Variants in SCO2 observed in about 807,000 individuals in gnomAD.
SCO2 encodes the protein synthesis of cytochrome C oxidase 2.
For synonymous variants in SCO2, 195 were observed against 148.6 expected (o/e 1.31, Z -2.27); for missense variants, 429 against 348.7 (o/e 1.23, Z -1.83).
chr22:50,523,652 C>G lies in SCO2; in HGVS notation c.760G>C (p.Val254Leu). The change falls in exon 2 of 2, where the codon GTG (valine) becomes CTG (leucine). Residue 254 changes from valine (V) to leucine (L), a missense_variant. Physicochemically the swap from Val to Leu is conservative, Grantham distance 32 (BLOSUM62 1). Transcript: ENST00000395693. ...SRSAEQISDS[V>L]RRHMAAFRSV... ...CGGAAAGCCGCCATGTGCCGCCGCACACTGTCTGAGATCTGCTCAGCCGAT... is the reference window on the plus strand; with the variant it reads ...CGGAAAGCCGCCATGTGCCGCCGCAGACTGTCTGAGATCTGCTCAGCCGAT... 6.2e-7 allele frequency: 1 copy of G among 1,614,004 alleles called. No homozygotes were observed.
In SCO2 at chr22:50,525,572, C is replaced by G. The variant is rs554814235; in HGVS notation, c.-114G>C. 1.8e-3 allele frequency: 1,426 copies of G among 783,294 alleles called. No homozygotes were observed. The highest frequency in any genetic ancestry group is 2.6e-3 in the Non-Finnish European group (1,283 of 498,524). The allele number at this position is 783,294 out of a possible 1,614,324, so 48.5% of individuals were successfully genotyped here. ...GCCGGCTCAGGGAAAGCGGGCGCCA[C>G]ACGCTCACAGGCAGGGCGCAGGCGT... On this transcript the variant is annotated 5_prime_UTR_variant, in exon 1 of 2. Coordinates refer to ENST00000395693, the MANE Select transcript of SCO2 (RefSeq NM_005138.3).
chr22:50,526,331 T>C (rs372847627), upstream of SCO2: 410 of 1,562,066 alleles, frequency 2.6e-4, no homozygotes, highest in African/African-American at 5.3e-3. Flanking sequence ...AGCACAGGGC[T>C]CGGGCCAGAC....
At chr22:50,524,515 G>T in intron 1 of SCO2, 91 bp from the exon 2 acceptor site, 1 of 1,177,888 alleles carries the variant, frequency 8.5e-7, no homozygotes, top group Non-Finnish European at 1.2e-6. Context: ...CCACCCATCT[G>T]AAGGACCCAG....
chr22:50,525,127 C>G (rs2069285197), intron 1 of SCO2, among the ~76,000 whole-genome samples: 1 of 152,206 alleles, frequency 6.6e-6, no homozygotes, highest in Admixed American at 6.5e-5. Flanking sequence ...TCAGGACTCC[C>G]GGTCACTGCC....
chr22:50,523,654 C>T lies in SCO2; in HGVS notation c.758G>A (p.Ser253Asn), dbSNP rs928259383. The T allele has an allele frequency of 6.2e-7, 1 of 1,613,922 alleles. No individual in the cohort carries two copies. Residue 253 changes from serine to asparagine, a missense_variant, in exon 2 of 2, where the codon AGT (serine) becomes AAT (asparagine). Transcript: ENST00000395693. ...RSRSAEQISDSVRRHMAAFRS... is the reference protein window; with the variant it reads ...RSRSAEQISDNVRRHMAAFRS... Reference sequence around the variant, plus strand: ...GAAAGCCGCCATGTGCCGCCGCACACTGTCTGAGATCTGCTCAGCCGATCT... The same window carrying T: ...GAAAGCCGCCATGTGCCGCCGCACATTGTCTGAGATCTGCTCAGCCGATCT...
chr22:50,526,152 A>G, upstream of SCO2: 1 of 1,471,328 alleles, frequency 6.8e-7, no homozygotes, highest in African/African-American at 1.5e-5. Context: ...CTGCGGGGAG[A>G]GGGGCTGAGA....
Position 50,523,751 on chromosome 22 carries a change from T to C in SCO2, c.661A>G (p.Ile221Val), listed in dbSNP as rs1290926261. The stretch of plus-strand genomic sequence containing the variant: ...TAGATGGCAATGGAGTGGTCCACGA[T>C]GTAGTCCTGGTCCTCATCCTTGGGG... ...AGPKDEDQDY[I>V]VDHSIAIYLL... Residue 221 changes from isoleucine (I) to valine (V), a missense_variant, in exon 2 of 2, where the codon ATC becomes GTC. Transcript: ENST00000395693. 8.1e-6 allele frequency: 13 copies of C among 1,614,032 alleles called. No individual in the cohort carries two copies. The highest frequency in any genetic ancestry group is 6.7e-5 in the East Asian group (3 of 44,900).
At chr22:50,526,343 G>A (rs1275853440), upstream of SCO2, 2 of 1,558,380 alleles carry the variant, frequency 1.3e-6, no homozygotes, top group African/African-American at 1.4e-5. Flanking sequence ...GGGCCAGACC[G>A]GGATCCACGC....
chr22:50,525,968 G>A (rs2148676610), upstream of SCO2: 6 of 1,389,712 alleles, frequency 4.3e-6, no homozygotes, highest in Non-Finnish European at 5.6e-6. Context: ...CTGGGCGGGG[G>A]TGCGGGGCCA....
upstream of SCO2, chr22:50,525,998 C>T (rs1295785500): frequency 8.4e-6 from 12 of 1,422,356 alleles, no homozygotes; most frequent in Non-Finnish European, 4.6e-6. Context: ...GGGCGGCGCT[C>T]ACCACGGCGC....
rs375383752 is a variant in SCO2, at chr22:50,524,239, C to T, written c.173G>A (p.Arg58Gln). 8.8e-5 allele frequency: 141 copies of T among 1,606,680 alleles called. No homozygotes were observed. The highest frequency in any genetic ancestry group is 1.1e-4 in the Non-Finnish European group (131 of 1,179,886). ...CAGGCCTGTGATCAGCAGCCGGGTT[C>T]GAAGCCCAGGGCCCTGGGGCTGGCC... ...GQGQPQGPGL[R>Q]TRLLITGLFG... Residue 58 changes from arginine to glutamine, a missense_variant, in exon 2 of 2, where the codon CGA becomes CAA. Coordinates refer to ENST00000395693, the MANE Select transcript of SCO2 (RefSeq NM_005138.3).
In SCO2 at chr22:50,524,108, C is replaced by T; in HGVS notation, c.304G>A (p.Gly102Ser). ...CTGTGATCCAGCAGGTGGAAGTCGC[C>T]CTGGCCCACAGCTGCCTGGCGCAGG... ...EALRQAAVGQGDFHLLDHRGR... is the reference protein window; with the variant it reads ...EALRQAAVGQSDFHLLDHRGR... The change falls in exon 2 of 2, where the codon GGC (glycine) becomes AGC (serine). Residue 102 changes from glycine to serine, a missense_variant. By Grantham distance (56) the Gly-to-Ser change is moderately conservative (BLOSUM62 0). Coordinates refer to ENST00000395693, the MANE Select transcript of SCO2 (RefSeq NM_005138.3). The T allele has an allele frequency of 1.2e-6, 2 of 1,612,942 alleles. No individual in the cohort carries two copies. The highest frequency in any genetic ancestry group is 1.1e-5 in the South Asian group (1 of 91,078).
chr22:50,526,097 G>GCAGCAC (rs1027855768), upstream of SCO2: 15 of 1,489,824 alleles, frequency 1.0e-5, no homozygotes, highest in South Asian at 1.3e-5. Flanking sequence ...CCGAGCTCGT[G>GCAGCAC]CAGCACCAGC....
rs1157205086 is a variant in SCO2 at position 50,524,655 on chromosome 22, C to T, written c.-13-231G>A. ...TCTACCTGGGATCACCAGCCTGTCA[C>T]CGCACCCTGCCCTGCACCTGCACCT... On this transcript the variant is annotated intron_variant, in intron 1 of 1. Coordinates refer to ENST00000395693, the MANE Select transcript of SCO2 (RefSeq NM_005138.3). The T allele has an allele frequency of 1.3e-5, 9 of 694,116 alleles. No homozygotes were observed. The South Asian group carries it at 1.4e-4, about 10-fold the overall frequency. 43.0% of individuals were successfully genotyped at this position (694,116 alleles called of 1,614,324 possible). A position where few individuals can be genotyped will look rare whatever the true frequency, so the allele number is the denominator to read the frequency against.
chr22:50,525,708 C>A, upstream of SCO2: 1 of 1,574,600 alleles, frequency 6.4e-7, no homozygotes, highest in East Asian at 2.4e-5. Flanking sequence ...GCCCCCGCCT[C>A]CGCAGCCCTG....
chr22:50,526,037 C>G, upstream of SCO2: 1 of 1,478,552 alleles, frequency 6.8e-7, no homozygotes. Context: ...ACCAGCAGCT[C>G]TGCGCCCACC....
In SCO2 at chr22:50,523,665, C is replaced by T. The variant is rs780783257; in HGVS notation, c.747G>A (p.Gln249=). ...DYYGRSRSAE[Q]ISDSVRRHMA... ...TGTGCCGCCGCACACTGTCTGAGAT[C>T]TGCTCAGCCGATCTGCTCCGGCCGT... The change falls in exon 2 of 2, where the codon CAG becomes CAA. Residue 249 remains glutamine, a synonymous_variant. Coordinates refer to ENST00000395693, the MANE Select transcript of SCO2 (RefSeq NM_005138.3). 1 of 1,614,054 alleles carries T rather than the reference C, an allele frequency of 6.2e-7. No homozygotes were observed.
upstream of SCO2, chr22:50,526,097 GCAGCAC>G (rs1027855768): frequency 4.7e-6 from 7 of 1,489,716 alleles, no homozygotes; most frequent in African/African-American, 1.5e-5. Flanking sequence ...CCGAGCTCGT[GCAGCAC>G]CAGCGCCAGC....
chr22:50,523,954 G>A lies in SCO2; in HGVS notation c.458C>T (p.Ala153Val), dbSNP rs1444438526. Residue 153 changes from alanine to valine, a missense_variant, in exon 2 of 2, where the codon GCA (alanine) becomes GTA (valine). Physicochemically the swap from Ala to Val is moderately conservative, Grantham distance 64. Coordinates refer to ENST00000395693, the MANE Select transcript of SCO2 (RefSeq NM_005138.3). Reference protein sequence around the residue: ...KLVQVVRQLEAEPGLPPVQPV... With the variant: ...KLVQVVRQLEVEPGLPPVQPV... ...CTGCACTGGAGGCAAACCAGGCTCT[G>A]CTTCCAGCTGCCGCACCACCTGCAC... 5 of 1,612,434 alleles carry A rather than the reference G, an allele frequency of 3.1e-6. No homozygotes were observed. The highest frequency in any genetic ancestry group is 1.7e-5 in the Admixed American group (1 of 60,016).
Sources: gnomAD v4.1 joint callset for allele counts (sites outside exome capture counted in the v4.1 genomes callset) on GRCh38, gnomAD v4.1.1 for gene constraint, MANE v1.5 for transcripts, NCBI Gene and HGNC (gene_info 2026-07-23, HGNC 2026-07-21) for gene names.